The following CREBRF variants were observed in gnomAD, a reference collection of about 807,000 sequenced individuals.
CREBRF encodes the protein UPF0474 protein C5orf41.
Under a neutral mutation model 66.1 loss-of-function variants are expected in CREBRF, and 5 were observed. The observed-to-expected ratio is 0.08, with a 90% CI of 0.04 to 0.16. CREBRF has a LOEUF of 0.16. CREBRF is among the 10% of genes least tolerant of loss of function. The pLI is 1.00. For synonymous variants in CREBRF, 229 were observed against 264.4 expected, an observed-to-expected ratio of 0.87 and a Z score of 1.30; for missense variants, 531 against 744.9, an observed-to-expected ratio of 0.71 and a Z score of 3.34.
chr5:173,127,243 A>T (rs1484248960), intron 8 of CREBRF, among the ~76,000 whole-genome samples: 2 of 146,534 alleles, frequency 1.4e-5, no homozygotes, highest in African/African-American at 5.1e-5. Flanking sequence ...ACTCACTGCA[A>T]CCTCCGCCTC....
chr5:173,074,878 C>T (rs541233803), intron 1 of CREBRF, among the ~76,000 whole-genome samples: 18 of 152,192 alleles, frequency 1.2e-4, no homozygotes, highest in Non-Finnish European at 2.2e-4. Context: ...GCCTCATCCT[C>T]CCAAAGTGTT....
intron 4 of CREBRF, among the ~76,000 whole-genome samples, chr5:173,094,653 G>A (rs1034340049): frequency 6.6e-6 from 1 of 152,022 alleles, no homozygotes; most frequent in African/African-American, 2.4e-5. Flanking sequence ...TACATTGTTT[G>A]GGTTCCTTGT....
chr5:173,059,791 A>T (rs553410975), intron 1 of CREBRF, among the ~76,000 whole-genome samples: 1 of 152,350 alleles, frequency 6.6e-6, no homozygotes, highest in African/African-American at 2.4e-5. Flanking sequence ...ATGCAATAGA[A>T]CTTATTTGGG....
In CREBRF at chr5:173,091,286, T is replaced by C. The variant is rs944631820; in HGVS notation, c.1107T>C (p.His369=). 1.2e-6 allele frequency: 2 copies of C among 1,613,400 alleles called. No homozygotes were observed. The highest frequency in any genetic ancestry group is 1.7e-6 in the Non-Finnish European group (2 of 1,179,716). ...EDEEDVDDED[H]DEGFGSEHEL... ...AGGAGGATGTTGATGATGAGGACCA[T>C]GATGAAGGATTCGGCAGTGAGCATG... Residue 369 remains histidine (H), a synonymous_variant, in exon 4 of 9, where the codon CAT becomes CAC. Coordinates refer to ENST00000296953, the MANE Select transcript of CREBRF (RefSeq NM_153607.3).
At chr5:173,133,116 C>G (rs1759514040) in intron 8 of CREBRF, among the ~76,000 whole-genome samples, 1 of 152,166 alleles carries the variant, frequency 6.6e-6, no homozygotes. Context: ...TCCAACATTT[C>G]TTATTCGTTC....
chr5:173,073,008 T>A (rs1302464739), intron 1 of CREBRF, among the ~76,000 whole-genome samples: 7 of 152,228 alleles, frequency 4.6e-5, no homozygotes, highest in Non-Finnish European at 8.8e-5. Context: ...AGTGATAGTA[T>A]TGACAGAATA....
intron 7 of CREBRF, among the ~76,000 whole-genome samples, chr5:173,117,594 C>CTTCA (rs1759026905): frequency 1.7e-5 from 1 of 57,894 alleles, no homozygotes; most frequent in Non-Finnish European, 4.0e-5. Flanking sequence ...TCCTTCCTTC[C>CTTCA]TTCCTTCCAT....
chr5:173,061,085 A>G (rs913221335), intron 1 of CREBRF, among the ~76,000 whole-genome samples: 3 of 152,084 alleles, frequency 2.0e-5, no homozygotes, highest in African/African-American at 7.2e-5. Flanking sequence ...CTCCTGCCTC[A>G]GCCTTCTGAG....
Position 173,056,551 on chromosome 5 carries a change from G to A in CREBRF, c.-192+72G>A. On this transcript the variant is annotated intron_variant, in intron 1 of 8. Transcript: ENST00000296953. ...GGGGAAGAGCGGAACGGGGGGCGGA[G>A]GGCCGCTTGCCTAGGAGGCAGCAGC... The A allele has an allele frequency of 7.6e-6, 3 of 397,220 alleles. No individual in the cohort carries two copies. The East Asian group carries it at 1.1e-4, about 14-fold the overall frequency. 24.6% of individuals were successfully genotyped at this position (397,220 alleles called of 1,614,324 possible). A position where few individuals can be genotyped will look rare whatever the true frequency, so the allele number is the denominator to read the frequency against.
chr5:173,101,962 T>G (rs1359158990), intron 4 of CREBRF, among the ~76,000 whole-genome samples: 1 of 152,210 alleles, frequency 6.6e-6, no homozygotes, highest in Non-Finnish European at 1.5e-5. Flanking sequence ...TCCTGTAGGC[T>G]TTCTTTATTC....
intron 7 of CREBRF, among the ~76,000 whole-genome samples, chr5:173,112,925 A>G (rs1406166432): frequency 6.6e-6 from 1 of 152,232 alleles, no homozygotes; most frequent in Non-Finnish European, 1.5e-5. Context: ...GCTTCTCTGC[A>G]GATCTTCTGA....
chr5:173,072,148 C>T (rs544070326), intron 1 of CREBRF, among the ~76,000 whole-genome samples: 186 of 152,134 alleles, frequency 1.2e-3, no homozygotes, highest in Non-Finnish European at 1.7e-3. Context: ...CACACTGTTG[C>T]CCAGGCTGAA....
chr5:173,111,788 TA>T (rs1387796770), intron 6 of CREBRF, among the ~76,000 whole-genome samples: 1 of 152,248 alleles, frequency 6.6e-6, no homozygotes, highest in African/African-American at 2.4e-5. Flanking sequence ...CATATATGCT[TA>T]TAAGAAACTG....
chr5:173,095,383 G>A (rs948082715), intron 4 of CREBRF, among the ~76,000 whole-genome samples: 1 of 151,888 alleles, frequency 6.6e-6, no homozygotes, highest in Admixed American at 6.6e-5. Flanking sequence ...TAGAGACGGG[G>A]TTTCACTGTC....
intron 4 of CREBRF, among the ~76,000 whole-genome samples, chr5:173,103,578 C>T (rs1274228781): frequency 6.6e-6 from 1 of 152,148 alleles, no homozygotes; most frequent in Non-Finnish European, 1.5e-5. Flanking sequence ...ATGACTAGCT[C>T]CCTTGATGCT....
intron 1 of CREBRF, among the ~76,000 whole-genome samples, chr5:173,076,918 T>C (rs970907768): frequency 2.0e-5 from 3 of 151,702 alleles, no homozygotes; most frequent in East Asian, 1.9e-4. Flanking sequence ...CCATAGTATA[T>C]TAACTACATA....
rs550315238 is a variant in CREBRF at position 173,107,926 on chromosome 5, A to T, written c.1223-698A>T. 5.5e-4 allele frequency among the ~76,000 whole-genome samples: 81 copies of T among 146,602 alleles called. 1 individual carries two copies. The highest frequency in any genetic ancestry group is 9.6e-4 in the Non-Finnish European group (65 of 67,408). On this transcript the variant is annotated intron_variant, in intron 4 of 8. Transcript: ENST00000296953. ...GGCTCACTGCAACATCCGCCTCCTG[A>T]GTTCAAGTGATTCTCATGTCTGTGC...
chr5:173,066,068 G>A (rs1054665042), intron 1 of CREBRF, among the ~76,000 whole-genome samples: 2 of 151,936 alleles, frequency 1.3e-5, no homozygotes, highest in African/African-American at 4.8e-5. Context: ...TCCCATCTCA[G>A]CCTCCTGAGT....
chr5:173,088,765 A>G (rs1758241659), intron 3 of CREBRF, among the ~76,000 whole-genome samples: 1 of 152,194 alleles, frequency 6.6e-6, no homozygotes, highest in Non-Finnish European at 1.5e-5. Flanking sequence ...ACACAAAAAT[A>G]TATAAAAACT....
Sources: allele counts gnomAD v4.1 joint callset (sites outside exome capture counted in the v4.1 genomes callset), GRCh38; gene constraint gnomAD v4.1.1; transcripts MANE v1.5; gene names NCBI Gene and HGNC (gene_info 2026-07-23, HGNC 2026-07-21).